Variants in KRTCAP2 observed in about 807,000 individuals in gnomAD.
The protein encoded by KRTCAP2 is dolichyl-diphosphooligosaccharide--protein glycosyltransferase subunit KCP2.
In KRTCAP2, 10 loss-of-function variants were observed where a neutral mutation model predicts 16.5. The ratio of observed to expected loss-of-function variants is 0.60; its 90% confidence interval spans 0.37 to 1.02. The LOEUF is 1.02. Among genes scored for constraint, KRTCAP2 ranks in the 50% least tolerant of loss-of-function variants. KRTCAP2 has a pLI of 0.01. For missense variants in KRTCAP2, 152 were observed against 159.6 expected (o/e 0.95, Z 0.26); for synonymous variants, 68 against 69.8 (o/e 0.97, Z 0.13).
At chr1:155,170,744 A>T (rs1665213368) in intron 3 of KRTCAP2, 1 of 152,226 alleles carries the variant, frequency 6.6e-6, no homozygotes, top group South Asian at 2.1e-4. Flanking sequence ...CCAGGTGGAG[A>T]GGGCAGAGAA....
Position 155,172,405 on chromosome 1 carries a change from A to G in KRTCAP2, c.223+160T>C, listed in dbSNP as rs1324859916. The G allele has an allele frequency of 2.0e-6, 3 of 1,481,222 alleles. No homozygotes were observed. The African/African-American group carries it at 4.2e-5, about 21-fold the overall frequency. 91.8% of individuals were successfully genotyped at this position (1,481,222 alleles called of 1,614,324 possible). ...TTCCAGCTCCAACTCCAGGAGCTAT[A>G]CAAGGTGCAGAATCGAAAAGCGTCA... On this transcript the variant is annotated intron_variant, in intron 3 of 4. Transcript: ENST00000295682.
intron 1 of KRTCAP2, 95 bp from the exon 2 acceptor site, chr1:155,172,987 AC>A: frequency 7.4e-7 from 1 of 1,351,510 alleles, no homozygotes; most frequent in Non-Finnish European, 1.0e-6. Context: ...CGGTGGGCCG[AC>A]CCCCTCCAAG....
chr1:155,172,300 C>A, intron 3 of KRTCAP2: 2 of 1,322,006 alleles, frequency 1.5e-6, no homozygotes, highest in Non-Finnish European at 1.9e-6. Flanking sequence ...AACATCAGCC[C>A]AAATTTGCCT....
Position 155,169,876 on chromosome 1 carries a change from C to A in KRTCAP2, c.224-19G>T, listed in dbSNP as rs990131422. ...AGGAGAACTAGGGAGGCAAGAAGAA[C>A]AAGGAGGGCAACGGTCAGAATGGAA... On this transcript the variant is annotated intron_variant, in intron 3 of 4. Transcript: ENST00000295682. 1.3e-5 allele frequency: 20 copies of A among 1,536,104 alleles called. No individual in the cohort carries two copies. Among genetic ancestry groups the A allele is most frequent in the Middle Eastern group, 1.7e-4 (1 of 5,954 alleles).
Position 155,173,256 on chromosome 1 carries a change from C to A in KRTCAP2, c.-32G>T. On this transcript the variant is annotated 5_prime_UTR_variant, in exon 1 of 5. Transcript: ENST00000295682. ...CCGCCCGTGAGTCCAACCGGCGCCT[C>A]TGGCCAAGAAAGGCGAGCTGAACCG... 2 of 1,614,172 alleles carry A rather than the reference C, an allele frequency of 1.2e-6. No homozygotes were observed. The highest frequency in any genetic ancestry group is 8.5e-7 in the Non-Finnish European group (1 of 1,180,026).
chr1:155,173,247 C>A lies in KRTCAP2; in HGVS notation c.-23G>T. 1 of 1,614,084 alleles carries A rather than the reference C, an allele frequency of 6.2e-7. No homozygotes were observed. Among genetic ancestry groups the A allele is most frequent in the Non-Finnish European group, 8.5e-7 (1 of 1,180,022 alleles). On this transcript the variant is annotated 5_prime_UTR_variant, in exon 1 of 5. Coordinates refer to ENST00000295682, the MANE Select transcript of KRTCAP2 (RefSeq NM_173852.4). The stretch of plus-strand genomic sequence containing the variant: ...CATCATGCCCCGCCCGTGAGTCCAA[C>A]CGGCGCCTCTGGCCAAGAAAGGCGA...
In KRTCAP2 at chr1:155,172,638, G is replaced by A; in HGVS notation, c.160-10C>T. On this transcript the variant is annotated splice_polypyrimidine_tract_variant and intron_variant, in intron 2 of 4. Coordinates refer to ENST00000295682, the MANE Select transcript of KRTCAP2 (RefSeq NM_173852.4). ...CCAGATTATTGAAGGCCTGGTTGAGGGAGTTAAGGAGTAGGGTGTGCAACG... is the reference window on the plus strand; with the variant it reads ...CCAGATTATTGAAGGCCTGGTTGAGAGAGTTAAGGAGTAGGGTGTGCAACG... 6.2e-7 allele frequency: 1 copy of A among 1,614,208 alleles called. No homozygotes were observed. Among genetic ancestry groups the A allele is most frequent in the Admixed American group, 1.7e-5 (1 of 60,024 alleles).
chr1:155,170,603 G>A (rs1250899795), intron 3 of KRTCAP2: 1 of 152,294 alleles, frequency 6.6e-6, no homozygotes, highest in Non-Finnish European at 1.5e-5. Flanking sequence ...CTTGCTCCCT[G>A]GACACAGGTT....
chr1:155,172,929 C>T (rs1369289831), intron 1 of KRTCAP2, 37 bp from the exon 2 acceptor site: 9 of 1,607,094 alleles, frequency 5.6e-6, no homozygotes, highest in Non-Finnish European at 7.7e-6. Context: ...GAGTCAGGCT[C>T]CGCCCTCCCT....
In KRTCAP2 at chr1:155,173,269, G is replaced by C. The variant is rs775094540; in HGVS notation, c.-45C>G. 6.2e-7 allele frequency: 1 copy of C among 1,614,160 alleles called. No individual in the cohort carries two copies. The highest frequency in any genetic ancestry group is 1.1e-5 in the South Asian group (1 of 91,066). On this transcript the variant is annotated 5_prime_UTR_variant, in exon 1 of 5. Coordinates refer to ENST00000295682, the MANE Select transcript of KRTCAP2 (RefSeq NM_173852.4). Reference sequence around the variant, plus strand: ...CAACCGGCGCCTCTGGCCAAGAAAGGCGAGCTGAACCGGGTGCGGTTAGCT... The same window carrying C: ...CAACCGGCGCCTCTGGCCAAGAAAGCCGAGCTGAACCGGGTGCGGTTAGCT...
At position 155,172,246 on chromosome 1, in the gene KRTCAP2, T is replaced by G. The variant is rs564587884; in HGVS notation, c.223+319A>C. 459 of 1,213,470 alleles carry G rather than the reference T, an allele frequency of 3.8e-4. 1 individual carries two copies. In the African/African-American group the frequency reaches 6.2e-3, roughly 17 times the overall value. 75.2% of individuals were successfully genotyped at this position (1,213,470 alleles called of 1,614,324 possible). On this transcript the variant is annotated intron_variant, in intron 3 of 4. Transcript: ENST00000295682. ...CCATAGTGAACTTGGTCCTGCTGCTTCTTCTGGTGGGAACAAGGACCGCCT... is the reference window on the plus strand; with the variant it reads ...CCATAGTGAACTTGGTCCTGCTGCTGCTTCTGGTGGGAACAAGGACCGCCT...
At position 155,173,266 on chromosome 1, in the gene KRTCAP2, A is replaced by G. The variant is rs1323978697; in HGVS notation, c.-42T>C. ...GTCCAACCGGCGCCTCTGGCCAAGAAAGGCGAGCTGAACCGGGTGCGGTTA... is the reference window on the plus strand; with the variant it reads ...GTCCAACCGGCGCCTCTGGCCAAGAGAGGCGAGCTGAACCGGGTGCGGTTA... On this transcript the variant is annotated 5_prime_UTR_variant, in exon 1 of 5. Transcript: ENST00000295682. 6.2e-7 allele frequency: 1 copy of G among 1,614,156 alleles called. No homozygotes were observed. The highest frequency in any genetic ancestry group is 1.1e-5 in the South Asian group (1 of 91,076).
intron 3 of KRTCAP2, chr1:155,170,353 A>G (rs1665202700): frequency 1.3e-5 from 2 of 152,678 alleles, no homozygotes; most frequent in East Asian, 1.9e-4. Flanking sequence ...AAAAAAAAAA[A>G]AAAAAAAAGA....
intron 3 of KRTCAP2, chr1:155,171,764 G>T: frequency 1.7e-6 from 1 of 602,092 alleles, no homozygotes; most frequent in Non-Finnish European, 2.1e-6. Context: ...AGACTGAGGA[G>T]GGAAGATTGC....
In KRTCAP2 at chr1:155,169,498, G is replaced by A. The variant is rs757269090; in HGVS notation, c.353C>T (p.Ala118Val). Residue 118 changes from alanine (A) to valine (V), a missense_variant, in exon 5 of 5, where the codon GCA becomes GTA. Physicochemically the swap from Ala to Val is moderately conservative, Grantham distance 64. Coordinates refer to ENST00000295682, the MANE Select transcript of KRTCAP2 (RefSeq NM_173852.4). Reference sequence around the variant, plus strand: ...GGCTGGTGTGAGGACTGGAGCTGCTGCCTGGTACAGGGTGGAGGAGATCTT... The same window carrying A: ...GGCTGGTGTGAGGACTGGAGCTGCTACCTGGTACAGGGTGGAGGAGATCTT... The part of the protein sequence containing the change: ...INKISSTLYQ[A>V]AAPVLTPAKV... 1.2e-6 allele frequency: 2 copies of A among 1,614,094 alleles called. No individual in the cohort carries two copies. The highest frequency in any genetic ancestry group is 1.1e-5 in the South Asian group (1 of 91,070).
At chr1:155,170,522 C>T (rs889298855) in intron 3 of KRTCAP2, 1 of 152,238 alleles carries the variant, frequency 6.6e-6, no homozygotes, top group African/African-American at 2.4e-5. Flanking sequence ...CCAGTTAAAC[C>T]CTTTCCAAAA....
intron 4 of KRTCAP2, 27 bp from the exon 5 acceptor site, chr1:155,169,587 G>T: frequency 6.2e-7 from 1 of 1,609,720 alleles, no homozygotes; most frequent in South Asian, 1.1e-5. Context: ...GAAAGGTCAT[G>T]GCACCAGTGG....
rs985792091 is a variant in KRTCAP2, at chr1:155,169,664, T to C, written c.291-104A>G. The C allele has an allele frequency of 3.4e-6, 5 of 1,455,300 alleles. No individual in the cohort carries two copies. In the African/African-American group the frequency reaches 5.6e-5, roughly 16 times the overall value. The allele number at this position is 1,455,300 out of a possible 1,614,324, so 90.1% of individuals were successfully genotyped here. Reference sequence around the variant, plus strand: ...CAAGGAAAGAATCCAAGTTCAAGTTTAGGAAAACGGGGAGGGAGAACAGAG... The same window carrying C: ...CAAGGAAAGAATCCAAGTTCAAGTTCAGGAAAACGGGGAGGGAGAACAGAG... On this transcript the variant is annotated intron_variant, in intron 4 of 4. Coordinates refer to ENST00000295682, the MANE Select transcript of KRTCAP2 (RefSeq NM_173852.4).
At chr1:155,172,513 A>T (rs574874449) in intron 3 of KRTCAP2, 52 bp downstream of exon 3, 1 of 1,613,980 alleles carries the variant, frequency 6.2e-7, no homozygotes, top group East Asian at 2.2e-5. Flanking sequence ...ATCATGTTTC[A>T]GGAGGTTAAA....
Sources: allele counts gnomAD v4.1 joint callset, GRCh38; gene constraint gnomAD v4.1.1; transcripts MANE v1.5; gene names NCBI Gene and HGNC (gene_info 2026-07-23, HGNC 2026-07-21).